The following NAALADL2 variants were observed in gnomAD, a reference collection of about 807,000 sequenced individuals.
NAALADL2 encodes the protein inactive N-acetylated-alpha-linked acidic dipeptidase-like protein 2.
In NAALADL2, 76 loss-of-function variants were observed where a neutral mutation model predicts 87.2. The ratio of observed to expected loss-of-function variants is 0.87; its 90% CI spans 0.72 to 1.05. NAALADL2 has a LOEUF of 1.05. Ranked by LOEUF, NAALADL2 falls within the 50% of genes least tolerant of loss-of-function variation. NAALADL2 has a pLI of 0.00. For synonymous variants in NAALADL2, 354 were observed against 331.0 expected, an observed-to-expected ratio of 1.07 and a Z score of -0.75; for missense variants, 1,089 against 945.8, an observed-to-expected ratio of 1.15 and a Z score of -1.99.
At chr3:175,425,407 T>C (rs972368618) in intron 5 of NAALADL2, among the ~76,000 whole-genome samples, 1 of 152,172 alleles carries the variant, frequency 6.6e-6, no homozygotes, top group Non-Finnish European at 1.5e-5. Flanking sequence ...CAGCATTGCT[T>C]TCTGAAGTTA....
In NAALADL2 at chr3:175,324,028, C is replaced by CAAAA. The variant is rs372517580; in HGVS notation, c.940-135_940-132dup. 2,403 of 428,046 alleles carry CAAAA rather than the reference C, an allele frequency of 5.6e-3. 3 individuals carry two copies. Among genetic ancestry groups the CAAAA allele is most frequent in the East Asian group, 0.012 (260 of 22,292 alleles). The allele number at this position is 428,046 out of a possible 1,614,324, so 26.5% of individuals were successfully genotyped here. ...GCGAGACTCCATCTCAAAAAACAAA[C>CAAAA]AAAAAAAAAAAAAAAGAAAAAGAAA... On this transcript the variant is annotated intron_variant, in intron 4 of 13. Coordinates refer to ENST00000454872, the MANE Select transcript of NAALADL2 (RefSeq NM_207015.3).
intron 1 of NAALADL2, among the ~76,000 whole-genome samples, chr3:174,466,745 G>T (rs1357216590): frequency 2.6e-5 from 4 of 152,114 alleles, no homozygotes; most frequent in Non-Finnish European, 5.9e-5. Flanking sequence ...CCCATATGAG[G>T]ACTTTCTCTT....
chr3:174,727,241 C>A (rs1387344804), intron 2 of NAALADL2, among the ~76,000 whole-genome samples: 2 of 114,714 alleles, frequency 1.7e-5, no homozygotes, highest in Admixed American at 1.8e-4. Flanking sequence ...CGATCACCTG[C>A]ATATGAAGTA....
chr3:175,228,303 A>G (rs1221527445), intron 2 of NAALADL2, among the ~76,000 whole-genome samples: 7 of 151,952 alleles, frequency 4.6e-5, no homozygotes, highest in South Asian at 2.1e-4. Flanking sequence ...ATTCTTAACT[A>G]CTTTTCCAGA....
intron 1 of NAALADL2, among the ~76,000 whole-genome samples, chr3:174,868,024 A>G (rs1416368040): frequency 6.6e-6 from 1 of 152,068 alleles, no homozygotes; most frequent in African/African-American, 2.4e-5. Flanking sequence ...TGAAAGAGTC[A>G]AAGGGTTGGT....
intron 3 of NAALADL2, among the ~76,000 whole-genome samples, chr3:174,756,996 CTGTAATGCCTGCAGTT>C: frequency 6.6e-6 from 1 of 152,222 alleles, no homozygotes; most frequent in South Asian, 2.1e-4. Flanking sequence ...TTTGGTGTCT[CTGTAATGCCTGCAGTT>C]TATTTCCATT....
chr3:175,787,176 C>T (rs1296498553), intron 13 of NAALADL2, among the ~76,000 whole-genome samples: 1 of 152,180 alleles, frequency 6.6e-6, no homozygotes, highest in Non-Finnish European at 1.5e-5. Context: ...TTTGTCTGTG[C>T]CCTGCCCCCA....
In NAALADL2 at chr3:175,627,345, GA is replaced by G; in HGVS notation, c.1858del (p.Met620TrpfsTer18). 6.4e-7 allele frequency: 1 copy of G among 1,572,654 alleles called. No individual in the cohort carries two copies. Among genetic ancestry groups the G allele is most frequent in the Non-Finnish European group, 8.6e-7 (1 of 1,156,538 alleles). ...RFSTRATKIE[E>X]MDPSFNLHET... ...TTCTACACGAGCAACAAAAATTGAA[GA>G]AATGGATCCCTCTTTCAACCTTCAT... On this transcript the variant is annotated frameshift_variant, in exon 11 of 14. Transcript: ENST00000454872. LOFTEE classifies it high-confidence loss of function.
chr3:175,169,436 A>G (rs1032410617), intron 2 of NAALADL2, among the ~76,000 whole-genome samples: 1 of 147,578 alleles, frequency 6.8e-6, no homozygotes, highest in South Asian at 2.2e-4. Context: ...TGACTACATA[A>G]CTAAGAGGGT....
chr3:175,108,731 C>T (rs1389679692), intron 2 of NAALADL2, among the ~76,000 whole-genome samples: 1 of 151,880 alleles, frequency 6.6e-6, no homozygotes, highest in African/African-American at 2.4e-5. Context: ...ATTATAACTT[C>T]CTTAGGCTTA....
At chr3:175,785,265 C>T (rs138387117) in intron 13 of NAALADL2, among the ~76,000 whole-genome samples, 25 of 150,342 alleles carry the variant, frequency 1.7e-4, no homozygotes, top group Middle Eastern at 3.4e-3. Flanking sequence ...TCCTTGTTGA[C>T]TTTCTGTCTT....
At chr3:174,964,899 G>A (rs1334608966) in intron 1 of NAALADL2, among the ~76,000 whole-genome samples, 1 of 151,052 alleles carries the variant, frequency 6.6e-6, no homozygotes, top group Non-Finnish European at 1.5e-5. Context: ...TAATTTTATT[G>A]ACATGAAAAT....
At chr3:175,281,530 T>C (rs1366936111) in intron 4 of NAALADL2, among the ~76,000 whole-genome samples, 1 of 152,010 alleles carries the variant, frequency 6.6e-6, no homozygotes, top group Non-Finnish European at 1.5e-5. Flanking sequence ...CGATTTTCAG[T>C]AAGACAGTAT....
chr3:175,368,951 G>C (rs1031597800), intron 5 of NAALADL2, among the ~76,000 whole-genome samples: 1 of 152,042 alleles, frequency 6.6e-6, no homozygotes, highest in Non-Finnish European at 1.5e-5. Flanking sequence ...TGGAACTTGT[G>C]GGAGTAGAAG....
intron 1 of NAALADL2, among the ~76,000 whole-genome samples, chr3:174,969,896 A>T (rs976904846): frequency 3.3e-5 from 5 of 152,226 alleles, no homozygotes; most frequent in Non-Finnish European, 7.3e-5. Flanking sequence ...CTCTTCATAA[A>T]ATAGAATCAA....
At chr3:175,260,420 G>T (rs962522703) in intron 4 of NAALADL2, among the ~76,000 whole-genome samples, 8 of 152,058 alleles carry the variant, frequency 5.3e-5, no homozygotes, top group Non-Finnish European at 1.2e-4. Context: ...CCAGAGATTT[G>T]GGGGAACTCA....
intron 13 of NAALADL2, among the ~76,000 whole-genome samples, chr3:175,781,805 C>A (rs1193535018): frequency 6.6e-6 from 1 of 151,852 alleles, no homozygotes; most frequent in African/African-American, 2.4e-5. Flanking sequence ...TGGTGTGCTG[C>A]ACCCACTAAC....
At chr3:175,284,199 T>TTC (rs1553848685) in intron 4 of NAALADL2, among the ~76,000 whole-genome samples, 1 of 151,162 alleles carries the variant, frequency 6.6e-6, no homozygotes. Flanking sequence ...TTTTTTTTTT[T>TTC]CTGTCTTGCT....
chr3:174,520,679 ATGT>A (rs1560027282), intron 1 of NAALADL2, among the ~76,000 whole-genome samples: 1 of 152,210 alleles, frequency 6.6e-6, no homozygotes, highest in Non-Finnish European at 1.5e-5. Context: ...TCAAAAGCAT[ATGT>A]AACAAAAAGA....
Sources: allele counts gnomAD v4.1 joint callset (sites outside exome capture counted in the v4.1 genomes callset), GRCh38; gene constraint gnomAD v4.1.1; transcripts MANE v1.5; gene names NCBI Gene and HGNC (gene_info 2026-07-23, HGNC 2026-07-21).